The following TUFM variants were observed in gnomAD, a reference collection of about 807,000 sequenced individuals.
TUFM encodes the protein Tu translation elongation factor, mitochondrial.
Under a neutral mutation model 45.0 loss-of-function variants are expected in TUFM, and 23 were observed. That is an observed-to-expected ratio of 0.51 (90% confidence interval 0.37 to 0.72). The LOEUF (loss-of-function observed/expected upper bound fraction) is 0.72. Ranked by LOEUF, TUFM falls within the 30% of genes least tolerant of loss-of-function variation. The probability of loss-of-function intolerance (pLI) is 0.00; values close to 1 mark genes in which losing one functional copy is unlikely to be tolerated. For synonymous variants in TUFM, 243 were observed against 252.9 expected (o/e 0.96, Z 0.37); for missense variants, 490 against 610.7 (o/e 0.80, Z 2.08).
chr16:28,846,286 C>A lies in TUFM; in HGVS notation c.-17G>T. 6.4e-7 allele frequency: 1 copy of A among 1,550,394 alleles called. No homozygotes were observed. The highest frequency in any genetic ancestry group is 1.4e-5 in the African/African-American group (1 of 73,198). ...TGTGGTCATACTCGCGCCCCGGTAA[C>A]CGGGGAGCCGGGACCAGGAGCCCGA... is the stretch of plus-strand genomic sequence containing the variant. On this transcript the variant is annotated 5_prime_UTR_variant, in exon 1 of 10. Transcript: ENST00000313511.
At position 28,846,058 on chromosome 16, in the gene TUFM, A is replaced by G. The variant is rs1961946469; in HGVS notation, c.101T>C (p.Leu34Pro). The change falls in exon 2 of 10, where the codon CTG becomes CCG. Residue 34 changes from leucine (L) to proline (P), a missense_variant. Leu to Pro is a moderately conservative substitution (Grantham distance 98). Transcript: ENST00000313511. ...CAAGAGAGGCAATGCCGGGGCTTTC[A>G]GCAGCCGCAACAGACCCTGCAGCAG... ...TFLLQGLLRLLKAPALPLLCR... is the reference protein window; with the variant it reads ...TFLLQGLLRLPKAPALPLLCR... 1 of 1,613,506 alleles carries G rather than the reference A, an allele frequency of 6.2e-7. No individual in the cohort carries two copies. Among genetic ancestry groups the G allele is most frequent in the Admixed American group, 1.7e-5 (1 of 60,006 alleles).
In TUFM at chr16:28,846,090, C is replaced by G. The variant is rs375416821; in HGVS notation, c.69G>C (p.Arg23=). ...GCAACAGACCCTGCAGCAGGAAGGTCCGGCCGGCGGCGAGACCTGCCGGGA... is the reference window on the plus strand; with the variant it reads ...GCAACAGACCCTGCAGCAGGAAGGTGCGGCCGGCGGCGAGACCTGCCGGGA... The part of the protein sequence containing the change: ...TPHFSGLAAG[R]TFLLQGLLRL... The change falls in exon 2 of 10, where the codon CGG becomes CGC. Residue 23 remains arginine, a synonymous_variant. Coordinates refer to ENST00000313511, the MANE Select transcript of TUFM (RefSeq NM_003321.5). 6.2e-6 allele frequency: 10 copies of G among 1,613,652 alleles called. No individual in the cohort carries two copies. Among genetic ancestry groups the G allele is most frequent in the Non-Finnish European group, 8.5e-6 (10 of 1,179,902 alleles).
At position 28,843,765 on chromosome 16, in the gene TUFM, C is replaced by T; in HGVS notation, c.1165G>A (p.Ala389Thr). The change falls in exon 9 of 10, where the codon GCC becomes ACC. Residue 389 changes from alanine to threonine, a missense_variant. By Grantham distance (58) the Ala-to-Thr change is moderately conservative. Transcript: ENST00000313511. ...TCTGGGGGCAGGATAATCCGACAGG[C>T]CATGTCCCAAGTCAGGGAGAACATG... ...PVMFSLTWDM[A>T]CRIILPPEKE... 6.2e-7 allele frequency: 1 copy of T among 1,613,554 alleles called. No homozygotes were observed. The highest frequency in any genetic ancestry group is 2.2e-5 in the East Asian group (1 of 44,882).
In TUFM at chr16:28,844,337, G is replaced by A; in HGVS notation, c.818-3C>T. On this transcript the variant is annotated splice_polypyrimidine_tract_variant and splice_region_variant and intron_variant, in intron 6 of 9. Transcript: ENST00000313511. This position sits in a 1 kb window ranked among gnomAD's most constrained non-coding sequence, Gnocchi z 5.8. Reference sequence around the variant, plus strand: ...ACCTGTCACCACGGTGCCACGGCCTGGGAGGGAATAAGACAGGATATCAGG... The same window carrying A: ...ACCTGTCACCACGGTGCCACGGCCTAGGAGGGAATAAGACAGGATATCAGG... 6.2e-7 allele frequency: 1 copy of A among 1,614,172 alleles called. No homozygotes were observed. The highest frequency in any genetic ancestry group is 8.5e-7 in the Non-Finnish European group (1 of 1,180,034).
At position 28,843,754 on chromosome 16, in the gene TUFM, A is replaced by G. The variant is rs1419931545; in HGVS notation, c.1176T>C (p.Ile392=). Residue 392 remains isoleucine, a synonymous_variant, in exon 9 of 10, where the codon ATT becomes ATC. Transcript: ENST00000313511. ...FSLTWDMACR[I]ILPPEKELAM... ...ACCGTACCTTCTCTGGGGGCAGGATAATCCGACAGGCCATGTCCCAAGTCA... is the reference window on the plus strand; with the variant it reads ...ACCGTACCTTCTCTGGGGGCAGGATGATCCGACAGGCCATGTCCCAAGTCA... The G allele has an allele frequency of 1.1e-5, 18 of 1,613,114 alleles. No homozygotes were observed. The highest frequency in any genetic ancestry group is 1.4e-5 in the Non-Finnish European group (17 of 1,179,964).
chr16:28,845,899 C>G lies in TUFM; in HGVS notation c.247+13G>C. Reference sequence around the variant, plus strand: ...GTAGATAGGGCGCTGCTGGACGCCCCAACCCCACTCACTCTTCGTGATGGC... The same window carrying G: ...GTAGATAGGGCGCTGCTGGACGCCCGAACCCCACTCACTCTTCGTGATGGC... On this transcript the variant is annotated intron_variant, in intron 2 of 9. Coordinates refer to ENST00000313511, the MANE Select transcript of TUFM (RefSeq NM_003321.5). 6.2e-7 allele frequency: 1 copy of G among 1,613,390 alleles called. No homozygotes were observed. Among genetic ancestry groups the G allele is most frequent in the East Asian group, 2.2e-5 (1 of 44,882 alleles).
At position 28,842,815 on chromosome 16, in the gene TUFM, C is replaced by A; in HGVS notation, c.*160G>T. 15 of 939,888 alleles carry A rather than the reference C, an allele frequency of 1.6e-5. No homozygotes were observed. The South Asian group carries it at 2.0e-4, about 13-fold the overall frequency. 58.2% of individuals were successfully genotyped at this position (939,888 alleles called of 1,614,324 possible). A position where few individuals can be genotyped will look rare whatever the true frequency, so the allele number is the denominator to read the frequency against. ...CTTACTATTCAAAGTTTACTGACCTCCCCAGCCAGGCAGGCCAACCCTTCC... is the reference window on the plus strand; with the variant it reads ...CTTACTATTCAAAGTTTACTGACCTACCCAGCCAGGCAGGCCAACCCTTCC... On this transcript the variant is annotated 3_prime_UTR_variant, in exon 10 of 10. Transcript: ENST00000313511.
chr16:28,846,054 T>A lies in TUFM; in HGVS notation c.105A>T (p.Lys35Asn), dbSNP rs771587709. The A allele has an allele frequency of 6.2e-7, 1 of 1,613,652 alleles. No individual in the cohort carries two copies. Among genetic ancestry groups the A allele is most frequent in the Non-Finnish European group, 8.5e-7 (1 of 1,179,912 alleles). ...FLLQGLLRLL[K>N]APALPLLCRG... ...GGCACAAGAGAGGCAATGCCGGGGC[T>A]TTCAGCAGCCGCAACAGACCCTGCA... Residue 35 changes from lysine (K) to asparagine (N), a missense_variant, in exon 2 of 10, where the codon AAA (lysine) becomes AAT (asparagine). Transcript: ENST00000313511.
Position 28,845,401 on chromosome 16 carries a change from G to C in TUFM, c.327C>G (p.Ile109Met). Residue 109 changes from isoleucine to methionine, a missense_variant, in exon 3 of 10, where the codon ATC becomes ATG. Physicochemically the swap from Ile to Met is conservative, Grantham distance 10 (BLOSUM62 1). Coordinates refer to ENST00000313511, the MANE Select transcript of TUFM (RefSeq NM_003321.5). ...ACTCCACATGAGCCGCATTGATGGTGATACCCCGAGCTCGCTCCTCCGGGG... is the reference window on the plus strand; with the variant it reads ...ACTCCACATGAGCCGCATTGATGGTCATACCCCGAGCTCGCTCCTCCGGGG... ...DNAPEERARGITINAAHVEYS... is the reference protein window; with the variant it reads ...DNAPEERARGMTINAAHVEYS... 2 of 1,614,166 alleles carry C rather than the reference G, an allele frequency of 1.2e-6. No individual in the cohort carries two copies. The highest frequency in any genetic ancestry group is 1.7e-6 in the Non-Finnish European group (2 of 1,180,024).
In TUFM at chr16:28,846,299, A is replaced by C; in HGVS notation, c.-30T>G. 1 of 1,547,604 alleles carries C rather than the reference A, an allele frequency of 6.5e-7. No individual in the cohort carries two copies. The highest frequency in any genetic ancestry group is 8.7e-7 in the Non-Finnish European group (1 of 1,144,070). On this transcript the variant is annotated 5_prime_UTR_variant, in exon 1 of 10. Transcript: ENST00000313511. ...GCGCCCCGGTAACCGGGGAGCCGGG[A>C]CCAGGAGCCCGAGCGCACAGAAGAA...
chr16:28,843,677 G>C, intron 9 of TUFM, 59 bp downstream of exon 9: 1 of 1,608,176 alleles, frequency 6.2e-7, no homozygotes, highest in Non-Finnish European at 8.5e-7. Context: ...AACTATGAGT[G>C]AAGCAAAGGT....
chr16:28,843,219 C>T (rs1596601300), intron 9 of TUFM, 71 bp from the exon 10 acceptor site: 1 of 1,540,994 alleles, frequency 6.5e-7, no homozygotes, highest in East Asian at 2.3e-5. Context: ...TTTTGGCTAC[C>T]TCGGAGGTTA....
chr16:28,846,038 G>A lies in TUFM; in HGVS notation c.121C>T (p.Leu41Phe). Residue 41 changes from leucine (L) to phenylalanine (F), a missense_variant, in exon 2 of 10, where the codon CTC (leucine) becomes TTC (phenylalanine). Leu to Phe is a conservative substitution (Grantham distance 22, BLOSUM62 0). Transcript: ENST00000313511. ...LRLLKAPALP[L>F]LCRGLAVEAK... ...TCCACGGCCAGGCCGCGGCACAAGA[G>A]AGGCAATGCCGGGGCTTTCAGCAGC... The A allele has an allele frequency of 6.2e-7, 1 of 1,613,918 alleles. No individual in the cohort carries two copies. The highest frequency in any genetic ancestry group is 8.5e-7 in the Non-Finnish European group (1 of 1,180,040).
chr16:28,845,116 T>C (rs1330417484), intron 3 of TUFM, 61 bp from the exon 4 acceptor site: 9 of 1,586,422 alleles, frequency 5.7e-6, no homozygotes, highest in South Asian at 3.3e-5. Context: ...CACATCCATA[T>C]AGCCAAGTGT....
At position 28,845,961 on chromosome 16, in the gene TUFM, G is replaced by A. The variant is rs11542257; in HGVS notation, c.198C>T (p.Ile66=). 7.0e-3 allele frequency: 11,333 copies of A among 1,614,142 alleles called. 335 individuals are homozygous for A. The African/African-American group carries it at 0.087, about 12-fold the overall frequency. Residue 66 remains isoleucine (I), a synonymous_variant, in exon 2 of 10, where the codon ATC becomes ATT. Coordinates refer to ENST00000313511, the MANE Select transcript of TUFM (RefSeq NM_003321.5). ...RDKPHVNVGT[I]GHVDHGKTTL... is the part of the protein sequence containing the mutation. ...TGGTCTTCCCGTGGTCCACATGGCC[G>A]ATGGTACCCACATTCACATGTGGCT...
At position 28,844,760 on chromosome 16, in the gene TUFM, C is replaced by T. The variant is rs143189885; in HGVS notation, c.622G>A (p.Glu208Lys). 1.0e-3 allele frequency: 1,649 copies of T among 1,614,096 alleles called. 1 individual carries two copies. Among genetic ancestry groups the T allele is most frequent in the Non-Finnish European group, 1.3e-3 (1,538 of 1,180,048 alleles). The change falls in exon 5 of 10, where the codon GAG becomes AAG. Residue 208 changes from glutamate (E) to lysine (K), a missense_variant. Physicochemically the swap from Glu to Lys is moderately conservative, Grantham distance 56. Transcript: ENST00000313511. This position sits in a 1 kb window ranked among gnomAD's most constrained non-coding sequence, Gnocchi z 5.8. Reference sequence around the variant, plus strand: ...GTCTCCTCCCCTTTATAGCCAAACTCGGTGAGCAGCTCCCGGATCTCCAGT... The same window carrying T: ...GTCTCCTCCCCTTTATAGCCAAACTTGGTGAGCAGCTCCCGGATCTCCAGT... ...VELEIRELLTEFGYKGEETPV... is the reference protein window; with the variant it reads ...VELEIRELLTKFGYKGEETPV...
In TUFM at chr16:28,845,006, G is replaced by A; in HGVS notation, c.464C>T (p.Ala155Val). Reference sequence around the variant, plus strand: ...CTGGGGCATGGGGCCGTCATTGGCTGCTACCACCAGGATGCAGCCGTCGAG... The same window carrying A: ...CTGGGGCATGGGGCCGTCATTGGCTACTACCACCAGGATGCAGCCGTCGAG... ...APLDGCILVVAANDGPMPQTR... is the reference protein window; with the variant it reads ...APLDGCILVVVANDGPMPQTR... The change falls in exon 4 of 10, where the codon GCA (alanine) becomes GTA (valine). Residue 155 changes from alanine (A) to valine (V), a missense_variant. Coordinates refer to ENST00000313511, the MANE Select transcript of TUFM (RefSeq NM_003321.5). 2 of 1,614,190 alleles carry A rather than the reference G, an allele frequency of 1.2e-6. No homozygotes were observed. Among genetic ancestry groups the A allele is most frequent in the Non-Finnish European group, 1.7e-6 (2 of 1,180,034 alleles).
intron 9 of TUFM, among the ~76,000 whole-genome samples, chr16:28,843,443 A>G (rs1196364707): frequency 6.6e-6 from 1 of 152,186 alleles, no homozygotes; most frequent in Non-Finnish European, 1.5e-5. Flanking sequence ...AAGCCTTCAT[A>G]TATAATGAAA....
At position 28,843,802 on chromosome 16, in the gene TUFM, G is replaced by A. The variant is rs1235127312; in HGVS notation, c.1128C>T (p.His376=). The change falls in exon 9 of 10, where the codon CAC becomes CAT. Residue 376 remains histidine (H), a synonymous_variant. Transcript: ENST00000313511. ...EGGRHKPFVS[H]FMPVMFSLTW... ...TCAGGGAGAACATGACAGGCATGAA[G>A]TGGGACACAAAGGGCTTGTGGCGGC... The A allele has an allele frequency of 6.2e-7, 1 of 1,614,132 alleles. No homozygotes were observed. The highest frequency in any genetic ancestry group is 8.5e-7 in the Non-Finnish European group (1 of 1,180,040).
Sources: allele counts gnomAD v4.1 joint callset (sites outside exome capture counted in the v4.1 genomes callset), GRCh38; gene constraint gnomAD v4.1.1; non-coding constraint Gnocchi (gnomAD v3.1); transcripts MANE v1.5; gene names NCBI Gene and HGNC (gene_info 2026-07-23, HGNC 2026-07-21).